Variants in PPP2R2B observed in about 807,000 individuals in gnomAD.
The protein encoded by PPP2R2B is protein phosphatase 2 regulatory subunit Bbeta, also known as serine/threonine-protein phosphatase 2A 55 kDa regulatory subunit B beta isoform.
Under a neutral mutation model 46.0 loss-of-function variants are expected in PPP2R2B, and 5 were observed. That is an observed-to-expected ratio of 0.11 (90% confidence interval 0.06 to 0.23). PPP2R2B has a LOEUF of 0.23. Ranked by LOEUF, PPP2R2B falls within the 10% of genes least tolerant of loss-of-function variation. The pLI is 1.00. For missense variants in PPP2R2B, 367 were observed against 575.0 expected (o/e 0.64, Z 3.70); for synonymous variants, 215 against 206.7 (o/e 1.04, Z -0.34).
At chr5:147,067,113 A>G (rs185138139) in intron 2 of PPP2R2B, among the ~76,000 whole-genome samples, 13 of 152,338 alleles carry the variant, frequency 8.5e-5, no homozygotes, top group Admixed American at 7.2e-4. Context: ...GTTTAAAAAT[A>G]TGTACACATT....
intron 2 of PPP2R2B, among the ~76,000 whole-genome samples, chr5:146,770,265 A>C (rs1315724123): frequency 7.6e-6 from 1 of 132,396 alleles, no homozygotes; most frequent in Non-Finnish European, 1.6e-5. Context: ...AGGCAGGCGG[A>C]GGTTGCAGTA....
At chr5:146,990,493 T>C (rs1753647988) in intron 1 of PPP2R2B, among the ~76,000 whole-genome samples, 1 of 152,056 alleles carries the variant, frequency 6.6e-6, no homozygotes, top group Non-Finnish European at 1.5e-5. Flanking sequence ...CAATAAATGG[T>C]GGTGGAAAAA....
chr5:146,797,993 C>T (rs577824996), intron 2 of PPP2R2B, among the ~76,000 whole-genome samples: 6 of 152,184 alleles, frequency 3.9e-5, no homozygotes, highest in Admixed American at 1.3e-4. Flanking sequence ...ACAAACAAAC[C>T]GTCAATCTCC....
intron 2 of PPP2R2B, among the ~76,000 whole-genome samples, chr5:146,839,242 C>T (rs1030644781): frequency 6.6e-6 from 1 of 152,128 alleles, no homozygotes; most frequent in Non-Finnish European, 1.5e-5. Flanking sequence ...TATATGTGGC[C>T]GGGTGCAGTG....
rs78568592 is a variant in PPP2R2B, at chr5:146,606,669, G to A, written c.791-6209C>T. Among the ~76,000 whole-genome samples the A allele has an allele frequency of 2.0e-4, 31 of 152,282 alleles. No individual in the cohort carries two copies. The East Asian group carries it at 3.9e-3, about 19-fold the overall frequency. ...GAGTCCAAAAGCCTAGTGTTTTTCC[G>A]TTTGAGGCAGATCTTAAGAACCAGT... On this transcript the variant is annotated intron_variant, in intron 7 of 9. Transcript: ENST00000394411.
intron 7 of PPP2R2B, among the ~76,000 whole-genome samples, chr5:146,625,504 G>T (rs1431314378): frequency 6.6e-6 from 1 of 152,096 alleles, no homozygotes; most frequent in Admixed American, 6.5e-5. Context: ...TGCTGAGGGG[G>T]TTTGAGAAAA....
chr5:146,684,093 G>C (rs1351058826), intron 5 of PPP2R2B, among the ~76,000 whole-genome samples: 4 of 152,194 alleles, frequency 2.6e-5, no homozygotes, highest in African/African-American at 9.7e-5. Flanking sequence ...GAATAGGCTT[G>C]ATTGATTTTT....
At chr5:146,810,221 A>C (rs1334382043) in intron 2 of PPP2R2B, among the ~76,000 whole-genome samples, 1 of 152,216 alleles carries the variant, frequency 6.6e-6, no homozygotes, top group Non-Finnish European at 1.5e-5. Context: ...GGCAATTTAC[A>C]AAACAAAGAG....
chr5:146,819,011 T>G (rs1261095023), intron 2 of PPP2R2B, among the ~76,000 whole-genome samples: 1 of 152,252 alleles, frequency 6.6e-6, no homozygotes, highest in Non-Finnish European at 1.5e-5. Flanking sequence ...CTTCTCTGCA[T>G]TTGAAAATCA....
chr5:147,056,241 G>T, upstream of PPP2R2B: 1 of 448,348 alleles, frequency 2.2e-6, no homozygotes, highest in Non-Finnish European at 2.9e-6. Context: ...GTTAAAAGGA[G>T]CCACCCGTAA....
rs183462969 is a variant in PPP2R2B, at chr5:146,957,703, A to G, written c.79+97962T>C. Among the ~76,000 whole-genome samples, 11 of 152,310 alleles carry G rather than the reference A, an allele frequency of 7.2e-5. No homozygotes were observed. In the East Asian group the frequency reaches 2.1e-3, roughly 29 times the overall value. On this transcript the variant is annotated intron_variant, in intron 1 of 8. Coordinates refer to the PPP2R2B transcript ENST00000336640. ...GGGCACCAATCTCACCATAGTCATCATAGTTTTGTACATTTGTTGCAATAA... is the reference window on the plus strand; with the variant it reads ...GGGCACCAATCTCACCATAGTCATCGTAGTTTTGTACATTTGTTGCAATAA...
intron 8 of PPP2R2B, among the ~76,000 whole-genome samples, chr5:146,597,664 A>G (rs1355132186): frequency 6.6e-6 from 1 of 152,196 alleles, no homozygotes; most frequent in Non-Finnish European, 1.5e-5. Context: ...GCAATTATAT[A>G]GATTTCAAGT....
intron 2 of PPP2R2B, among the ~76,000 whole-genome samples, chr5:146,752,890 G>C (rs530053907): frequency 6.6e-6 from 1 of 152,334 alleles, no homozygotes; most frequent in South Asian, 2.1e-4. Flanking sequence ...ATGGAGGTAT[G>C]AAAGTGTATT....
intron 2 of PPP2R2B, among the ~76,000 whole-genome samples, chr5:146,756,561 A>G (rs1753843669): frequency 6.6e-6 from 1 of 152,158 alleles, no homozygotes; most frequent in African/African-American, 2.4e-5. Flanking sequence ...AGCCTCTGGG[A>G]TGCCTGGGTT....
chr5:146,595,676 G>C (rs1009384001), intron 8 of PPP2R2B, among the ~76,000 whole-genome samples: 5 of 152,092 alleles, frequency 3.3e-5, no homozygotes, highest in Non-Finnish European at 2.9e-5. Flanking sequence ...ATGTTTTGTT[G>C]CACAGAAAAA....
intron 1 of PPP2R2B, among the ~76,000 whole-genome samples, chr5:146,887,902 C>T (rs1245112431): frequency 6.6e-6 from 1 of 152,172 alleles, no homozygotes; most frequent in East Asian, 1.9e-4. Flanking sequence ...GTTGTGGTCA[C>T]ATGATCAGTG....
Position 146,987,295 on chromosome 5 carries a change from A to T in PPP2R2B, c.79+68370T>A, listed in dbSNP as rs181591918. Among the ~76,000 whole-genome samples, 268 of 152,274 alleles carry T rather than the reference A, an allele frequency of 1.8e-3. 3 individuals are homozygous for T. Among genetic ancestry groups the T allele is most frequent in the African/African-American group, 5.9e-3 (244 of 41,574 alleles). On this transcript the variant is annotated intron_variant, in intron 1 of 8. Coordinates refer to the PPP2R2B transcript ENST00000336640. ...GAAGGAAAAAGACACATGTGCAACAAGACACATGTGCAACAAGAAAACATC... is the reference window on the plus strand; with the variant it reads ...GAAGGAAAAAGACACATGTGCAACATGACACATGTGCAACAAGAAAACATC...
At chr5:146,992,570 C>T (rs978010351) in intron 1 of PPP2R2B, among the ~76,000 whole-genome samples, 3 of 152,124 alleles carry the variant, frequency 2.0e-5, no homozygotes, top group Non-Finnish European at 4.4e-5. Flanking sequence ...CCTCTTATAC[C>T]CCTAATAGGG....
At chr5:146,752,798 G>T (rs1753634266) in intron 2 of PPP2R2B, among the ~76,000 whole-genome samples, 1 of 152,206 alleles carries the variant, frequency 6.6e-6, no homozygotes, top group African/African-American at 2.4e-5. Flanking sequence ...GCCTCATGGA[G>T]CTTCCAGCAG....
Sources: allele counts gnomAD v4.1 joint callset (sites outside exome capture counted in the v4.1 genomes callset), GRCh38; gene constraint gnomAD v4.1.1; transcripts MANE v1.5; gene names NCBI Gene and HGNC (gene_info 2026-07-23, HGNC 2026-07-21).